The following SNTG2 variants were observed in gnomAD, a reference collection of about 807,000 sequenced individuals.
SNTG2 encodes gamma-2-syntrophin.
A neutral mutation model predicts 70.9 loss-of-function variants in SNTG2; 74 were observed. The observed-to-expected ratio is 1.04, with a 90% CI of 0.86 to 1.27. The LOEUF (loss-of-function observed/expected upper bound fraction) is 1.27, where lower values mean the gene tolerates loss of function less well. Ranked by LOEUF, SNTG2 falls within the 50% of genes most tolerant of loss-of-function variation. The pLI, the probability that SNTG2 is intolerant of heterozygous loss-of-function variation, is 0.00. For missense variants in SNTG2, 717 were observed against 690.7 expected, an observed-to-expected ratio of 1.04 and a Z score of -0.43; for synonymous variants, 278 against 273.8, an observed-to-expected ratio of 1.02 and a Z score of -0.15.
At chr2:1,033,115 T>G (rs540669001) in intron 1 of SNTG2, among the ~76,000 whole-genome samples, 1 of 152,180 alleles carries the variant, frequency 6.6e-6, no homozygotes, top group Admixed American at 6.5e-5. Flanking sequence ...ACGAGAAATA[T>G]GCACCCATGA....
intron 1 of SNTG2, among the ~76,000 whole-genome samples, chr2:1,051,913 T>TTAGAGA (rs1318337606): frequency 6.6e-6 from 1 of 152,254 alleles, no homozygotes; most frequent in African/African-American, 2.4e-5. Context: ...TTACACAACA[T>TTAGAGA]TAGAGAACTC....
chr2:1,255,056 G>C (rs1021551511), intron 12 of SNTG2, among the ~76,000 whole-genome samples: 1 of 152,110 alleles, frequency 6.6e-6, no homozygotes, highest in Non-Finnish European at 1.5e-5. Flanking sequence ...TAAGAGGTGC[G>C]GTCCTGGAAA....
At chr2:997,514 T>G (rs189953422) in intron 1 of SNTG2, among the ~76,000 whole-genome samples, 3 of 152,346 alleles carry the variant, frequency 2.0e-5, no homozygotes, top group Middle Eastern at 3.4e-3. Context: ...TGATCTTCAT[T>G]AAAGACTTCA....
intron 1 of SNTG2, among the ~76,000 whole-genome samples, chr2:1,016,046 G>A (rs1047080352): frequency 3.3e-5 from 5 of 152,100 alleles, no homozygotes; most frequent in Non-Finnish European, 7.4e-5. Flanking sequence ...TTCATGCAAT[G>A]AAATATTACA....
chr2:1,266,594 T>G (rs1247786203), intron 13 of SNTG2, among the ~76,000 whole-genome samples: 3 of 151,936 alleles, frequency 2.0e-5, no homozygotes. Context: ...GTCCTTTATC[T>G]CAGGACAATG....
At chr2:1,239,063 G>A (rs773355458) in intron 10 of SNTG2, among the ~76,000 whole-genome samples, 3 of 152,216 alleles carry the variant, frequency 2.0e-5, no homozygotes, top group South Asian at 2.1e-4. Context: ...GTTTTCAAAC[G>A]CAACACTTTA....
At chr2:1,259,343 T>A (rs1678291856) in intron 12 of SNTG2, 27 bp from the exon 13 acceptor site, 1 of 1,611,950 alleles carries the variant, frequency 6.2e-7, no homozygotes, top group African/African-American at 1.3e-5. Context: ...ATGCTGCTTT[T>A]CATGGAACGT....
intron 16 of SNTG2, among the ~76,000 whole-genome samples, chr2:1,350,974 C>A (rs1032086713): frequency 1.3e-5 from 2 of 151,922 alleles, no homozygotes; most frequent in African/African-American, 2.4e-5. Context: ...CCTACTTTTA[C>A]TCTCAATATC....
rs186336016 is a variant in SNTG2, at chr2:1,028,702, C to G, written c.73-54816C>G. Among the ~76,000 whole-genome samples, 246 of 151,662 alleles carry G rather than the reference C, an allele frequency of 1.6e-3. 4 individuals are homozygous for G. In the South Asian group the frequency reaches 0.019, roughly 12 times the overall value. ...GTTAGAACTCCAACACATTCCTGGT[C>G]CTCTCTGCCTCTGCATCTGTTTTCC... On this transcript the variant is annotated intron_variant, in intron 1 of 16. Transcript: ENST00000308624.
intron 4 of SNTG2, among the ~76,000 whole-genome samples, chr2:1,135,170 G>A (rs1320152854): frequency 6.6e-6 from 1 of 152,192 alleles, no homozygotes; most frequent in Non-Finnish European, 1.5e-5. Context: ...TTCCAGACAA[G>A]AAATGGCAGC....
chr2:1,072,059 C>T (rs984347067), intron 1 of SNTG2, among the ~76,000 whole-genome samples: 8 of 152,142 alleles, frequency 5.3e-5, no homozygotes, highest in Non-Finnish European at 1.2e-4. Context: ...CAAGGTGAAG[C>T]CACAAGTGCT....
chr2:1,179,511 G>A (rs1356589151), intron 8 of SNTG2, among the ~76,000 whole-genome samples: 1 of 152,052 alleles, frequency 6.6e-6, no homozygotes, highest in East Asian at 1.9e-4. Context: ...ACTTACAAGG[G>A]ATGTGAAGGA....
chr2:1,259,339 C>T, intron 12 of SNTG2, 31 bp from the exon 13 acceptor site: 1 of 1,610,714 alleles, frequency 6.2e-7, no homozygotes, highest in East Asian at 2.2e-5. Flanking sequence ...TAGCATGCTG[C>T]TTTTCATGGA....
intron 16 of SNTG2, among the ~76,000 whole-genome samples, chr2:1,331,978 G>A (rs138649484): frequency 8.7e-4 from 132 of 151,838 alleles, no homozygotes; most frequent in African/African-American, 3.1e-3. Flanking sequence ...TGTTCTTCAC[G>A]ACACAACCCA....
chr2:1,072,040 A>T (rs1436949265), intron 1 of SNTG2, among the ~76,000 whole-genome samples: 1 of 152,232 alleles, frequency 6.6e-6, no homozygotes, highest in Admixed American at 6.5e-5. Context: ...TCTTGACAAC[A>T]TAAAAGTGCA....
chr2:1,367,432 G>T lies in SNTG2; in HGVS notation c.1578G>T (p.Met526Ile), dbSNP rs1303432289. The change falls in exon 17 of 17, where the codon ATG (methionine) becomes ATT (isoleucine). Residue 526 changes from methionine to isoleucine, a missense_variant. Coordinates refer to ENST00000308624, the MANE Select transcript of SNTG2 (RefSeq NM_018968.4). ...AKVASVDPGFMDSQSLARKYM... is the reference protein window; with the variant it reads ...AKVASVDPGFIDSQSLARKYM... ...TGGCCTCCGTGGACCCCGGCTTCAT[G>T]GACAGTCAGAGTCTTGCCAGAAAAT... The T allele has an allele frequency of 1.0e-5, 16 of 1,551,668 alleles. No homozygotes were observed. The highest frequency in any genetic ancestry group is 1.4e-5 in the Non-Finnish European group (16 of 1,146,988).
chr2:1,153,246 T>C (rs965489119), intron 6 of SNTG2, among the ~76,000 whole-genome samples: 3 of 152,166 alleles, frequency 2.0e-5, no homozygotes, highest in Non-Finnish European at 2.9e-5. Flanking sequence ...AACCGTGACA[T>C]CTTTTTTTTA....
intron 4 of SNTG2, among the ~76,000 whole-genome samples, chr2:1,110,568 G>A (rs147252846): frequency 1.3e-3 from 205 of 152,230 alleles, no homozygotes; most frequent in Middle Eastern, 0.01. Flanking sequence ...AGAGAAACCC[G>A]TGATGAATGC....
Position 1,135,948 on chromosome 2 carries a change from G to T in SNTG2, c.326-1674G>T, listed in dbSNP as rs78966561. Among the ~76,000 whole-genome samples, 5 of 152,102 alleles carry T rather than the reference G, an allele frequency of 3.3e-5. No individual in the cohort carries two copies. The East Asian group carries it at 5.8e-4, about 18-fold the overall frequency. On this transcript the variant is annotated intron_variant, in intron 4 of 16. Transcript: ENST00000308624. ...CAAGCTGAAGCTTAGTTTCCCATGC[G>T]TCAGGTAGGTATTTGATAAAGATGG...
Sources: allele counts gnomAD v4.1 joint callset (sites outside exome capture counted in the v4.1 genomes callset), GRCh38; gene constraint gnomAD v4.1.1; transcripts MANE v1.5; gene names NCBI Gene and HGNC (gene_info 2026-07-23, HGNC 2026-07-21).